The following CNNM2 variants were observed in gnomAD, a reference collection of about 807,000 sequenced individuals.
The protein encoded by CNNM2 is metal transporter CNNM2.
In CNNM2, 12 loss-of-function variants were observed where a neutral mutation model predicts 66.9. That is an observed-to-expected ratio of 0.18 (90% CI 0.11 to 0.29). CNNM2 has a LOEUF of 0.29. Ranked by LOEUF, CNNM2 falls within the 10% of genes least tolerant of loss-of-function variation. The pLI, the probability that CNNM2 is intolerant of heterozygous loss-of-function variation, is 1.00. For missense variants in CNNM2, 705 were observed against 1,167.7 expected (o/e 0.60, Z 5.77); for synonymous variants, 557 against 501.8 (o/e 1.11, Z -1.47).
At chr10:102,977,389 G>T (rs530537148) in intron 1 of CNNM2, among the ~76,000 whole-genome samples, 1 of 152,218 alleles carries the variant, frequency 6.6e-6, no homozygotes, top group East Asian at 1.9e-4. Context: ...TTGGATTTTG[G>T]AGTATTTCAG....
At chr10:103,075,987 G>A in intron 6 of CNNM2, 99 bp from the exon 7 acceptor site, 1 of 1,124,782 alleles carries the variant, frequency 8.9e-7, no homozygotes, top group Non-Finnish European at 1.3e-6. Context: ...AGTTGGCTGG[G>A]CTTGTGTGGC....
intron 1 of CNNM2, among the ~76,000 whole-genome samples, chr10:103,010,548 AGAAAT>A (rs369559685): frequency 2.1e-4 from 32 of 152,320 alleles, no homozygotes; most frequent in African/African-American, 7.2e-4. Context: ...GTTTCTAAAA[AGAAAT>A]GAAATGAAAA....
intron 1 of CNNM2, among the ~76,000 whole-genome samples, chr10:102,931,755 T>A (rs932716513): frequency 2.6e-5 from 4 of 152,034 alleles, no homozygotes; most frequent in African/African-American, 7.3e-5. Flanking sequence ...TGCCAAACTG[T>A]TTTTCAAAGT....
Position 103,083,514 on chromosome 10 carries a change from TG to T in CNNM2, c.*6336del, listed in dbSNP as rs1439681838. 6.6e-6 allele frequency: 1 copy of T among 152,282 alleles called. No individual in the cohort carries two copies. The highest frequency in any genetic ancestry group is 1.5e-5 in the Non-Finnish European group (1 of 68,094). 9.4% of individuals were successfully genotyped at this position (152,282 alleles called of 1,614,324 possible). The stretch of plus-strand genomic sequence containing the variant: ...GCTTTGCTGGTGGGAAAGCTGGGAC[TG>T]GATCTCAGCATGACAACATAGAAGA... On this transcript the variant is annotated 3_prime_UTR_variant, in exon 8 of 8. Transcript: ENST00000369878.
At chr10:102,998,916 G>GT (rs1370111083) in intron 1 of CNNM2, among the ~76,000 whole-genome samples, 2 of 152,060 alleles carry the variant, frequency 1.3e-5, no homozygotes, top group Non-Finnish European at 2.9e-5. Flanking sequence ...CTTTTTGTTT[G>GT]TTTTTTGAGA....
intron 2 of CNNM2, among the ~76,000 whole-genome samples, chr10:103,053,986 G>A (rs988140438): frequency 3.3e-5 from 5 of 152,150 alleles, no homozygotes; most frequent in African/African-American, 4.8e-5. Context: ...TCCAGGCTGC[G>A]CGCCCTGTTG....
intron 1 of CNNM2, among the ~76,000 whole-genome samples, chr10:102,936,723 C>T (rs1298060900): frequency 1.3e-5 from 2 of 151,994 alleles, no homozygotes; most frequent in Non-Finnish European, 2.9e-5. Context: ...GAACATTTAC[C>T]AAAATATTAA....
intron 1 of CNNM2, among the ~76,000 whole-genome samples, chr10:102,932,548 G>A (rs1846098754): frequency 6.6e-6 from 1 of 152,096 alleles, no homozygotes; most frequent in African/African-American, 2.4e-5. Flanking sequence ...TTTGCATGTG[G>A]CTATTCAGTT....
At chr10:102,990,350 A>G (rs1590358109) in intron 1 of CNNM2, among the ~76,000 whole-genome samples, 1 of 152,246 alleles carries the variant, frequency 6.6e-6, no homozygotes, top group East Asian at 1.9e-4. Context: ...GAATTATGTT[A>G]CTAGGGATGG....
At chr10:102,960,394 T>C (rs2063361263) in intron 1 of CNNM2, among the ~76,000 whole-genome samples, 2 of 152,222 alleles carry the variant, frequency 1.3e-5, no homozygotes, top group Non-Finnish European at 2.9e-5. Context: ...GTTAATGTTA[T>C]TGCAATAAAA....
In CNNM2 at chr10:103,028,974, C is replaced by T. The variant is rs568750835; in HGVS notation, c.1622-20733C>T. Reference sequence around the variant, plus strand: ...AGTAGCTGGCATTATAGGCGTGTGCCACCATGCCCACTAACTTTTGTATTT... The same window carrying T: ...AGTAGCTGGCATTATAGGCGTGTGCTACCATGCCCACTAACTTTTGTATTT... On this transcript the variant is annotated intron_variant, in intron 1 of 7. Transcript: ENST00000369878. Among the ~76,000 whole-genome samples, 30 of 134,070 alleles carry T rather than the reference C, an allele frequency of 2.2e-4. No homozygotes were observed. The South Asian group carries it at 6.7e-3, about 30-fold the overall frequency. 88.0% of individuals were successfully genotyped at this position (134,070 alleles called of 152,430 possible). A position where few individuals can be genotyped will look rare whatever the true frequency, so the allele number is the denominator to read the frequency against.
intron 6 of CNNM2, among the ~76,000 whole-genome samples, chr10:103,072,858 G>A (rs1236392994): frequency 2.0e-5 from 3 of 152,210 alleles, no homozygotes; most frequent in Non-Finnish European, 2.9e-5. Context: ...ATCCTTGTCC[G>A]TCTCACCAAA....
rs2134374798 is a variant in CNNM2, at chr10:103,078,219, C to CTA, written c.*1040_*1041dup. The CTA allele has an allele frequency of 1.3e-5, 2 of 152,392 alleles. No individual in the cohort carries two copies. The highest frequency in any genetic ancestry group is 4.8e-5 in the African/African-American group (2 of 41,596). The allele number at this position is 152,392 out of a possible 1,614,324, so 9.4% of individuals were successfully genotyped here. On this transcript the variant is annotated 3_prime_UTR_variant, in exon 8 of 8. Transcript: ENST00000369878. The stretch of plus-strand genomic sequence containing the variant: ...TTTAACAGAAAACGAGTCGGACCTT[C>CTA]TAGCTGCACTCTGTACTGTGTGCCG...
In CNNM2 at chr10:103,087,528, G is replaced by C. The variant is rs774742641; in HGVS notation, c.*10348G>C. On this transcript the variant is annotated 3_prime_UTR_variant, in exon 8 of 8. Transcript: ENST00000369878. ...CTCTTATATGGATGCAATACAAAAA[G>C]TGGTAAATTAAAGCAAAGCAATCAT... 2 of 152,150 alleles carry C rather than the reference G, an allele frequency of 1.3e-5. No homozygotes were observed. The highest frequency in any genetic ancestry group is 4.8e-5 in the African/African-American group (2 of 41,444). The allele number at this position is 152,150 out of a possible 1,614,324, so 9.4% of individuals were successfully genotyped here. A position where few individuals can be genotyped will look rare whatever the true frequency, so the allele number is the denominator to read the frequency against.
At chr10:103,048,867 T>G (rs1394067356) in intron 1 of CNNM2, among the ~76,000 whole-genome samples, 1 of 152,132 alleles carries the variant, frequency 6.6e-6, no homozygotes, top group Non-Finnish European at 1.5e-5. Context: ...AGCAAGGACT[T>G]TTTTTTAAGA....
chr10:102,956,640 A>G (rs1847048775), intron 1 of CNNM2, among the ~76,000 whole-genome samples: 1 of 152,268 alleles, frequency 6.6e-6, no homozygotes. Flanking sequence ...CTGTGCAGCC[A>G]TAAAAAAGGA....
At chr10:102,951,543 G>A (rs887927107) in intron 1 of CNNM2, among the ~76,000 whole-genome samples, 1 of 151,836 alleles carries the variant, frequency 6.6e-6, no homozygotes, top group Admixed American at 6.6e-5. Flanking sequence ...CTTTGAGCAC[G>A]CTTGCATGCT....
At chr10:103,011,478 T>C (rs1279963571) in intron 1 of CNNM2, among the ~76,000 whole-genome samples, 2 of 151,770 alleles carry the variant, frequency 1.3e-5, no homozygotes, top group African/African-American at 4.8e-5. Flanking sequence ...TCCATGGCCA[T>C]TGGCAAAGCA....
intron 4 of CNNM2, chr10:103,068,343 A>G (rs796701377): frequency 4.1e-5 from 13 of 315,806 alleles, no homozygotes; most frequent in African/African-American, 2.3e-4. Flanking sequence ...AAGGAGATCT[A>G]TCTCTACAAA....
Sources: allele counts gnomAD v4.1 joint callset (sites outside exome capture counted in the v4.1 genomes callset), GRCh38; gene constraint gnomAD v4.1.1; transcripts MANE v1.5; gene names NCBI Gene and HGNC (gene_info 2026-07-23, HGNC 2026-07-21).